The following SLX4IP variants were observed in gnomAD, a reference collection of about 807,000 sequenced individuals.
The protein encoded by SLX4IP is SLX4 interacting protein, also known as protein SLX4IP.
In SLX4IP, 34 loss-of-function variants were observed where a neutral mutation model predicts 32.9. That is an observed-to-expected ratio of 1.03 (90% CI 0.79 to 1.38). The LOEUF (loss-of-function observed/expected upper bound fraction) is 1.38. Ranked by LOEUF, SLX4IP falls within the 40% of genes most tolerant of loss-of-function variation. The pLI is 0.00. For missense variants in SLX4IP, 444 were observed against 479.0 expected, an observed-to-expected ratio of 0.93 and a Z score of 0.68; for synonymous variants, 172 against 171.7, an observed-to-expected ratio of 1.00 and a Z score of -0.01.
At chr20:10,508,720 A>T (rs889464026) in intron 2 of SLX4IP, among the ~76,000 whole-genome samples, 1 of 152,092 alleles carries the variant, frequency 6.6e-6, no homozygotes, top group Non-Finnish European at 1.5e-5. Flanking sequence ...GCTGGCAGCT[A>T]TCCCTTCTTG....
At chr20:10,462,953 A>C (rs955732039) in intron 2 of SLX4IP, among the ~76,000 whole-genome samples, 5 of 152,340 alleles carry the variant, frequency 3.3e-5, no homozygotes, top group African/African-American at 1.2e-4. Flanking sequence ...ATGTGATGGC[A>C]TATGCCTGTA....
At chr20:10,500,348 T>C (rs996752869) in intron 2 of SLX4IP, among the ~76,000 whole-genome samples, 1 of 152,014 alleles carries the variant, frequency 6.6e-6, no homozygotes, top group Admixed American at 6.6e-5. Context: ...AGGCTAGTTT[T>C]GGACTCCTGA....
intron 1 of SLX4IP, 61 bp downstream of exon 1, chr20:10,435,514 C>T (rs1568679472): frequency 1.3e-5 from 2 of 152,372 alleles, no homozygotes; most frequent in Non-Finnish European, 2.9e-5. Context: ...ACTGTTTGCC[C>T]ATCTCCTCCC....
intron 2 of SLX4IP, among the ~76,000 whole-genome samples, chr20:10,483,319 A>G (rs1276749851): frequency 6.6e-6 from 1 of 152,142 alleles, no homozygotes; most frequent in Non-Finnish European, 1.5e-5. Flanking sequence ...GCGGGGTTTC[A>G]CTATGTTGGC....
At chr20:10,443,123 T>C (rs901082866) in intron 1 of SLX4IP, among the ~76,000 whole-genome samples, 2 of 152,186 alleles carry the variant, frequency 1.3e-5, no homozygotes, top group African/African-American at 4.8e-5. Context: ...TTTGGTGAAA[T>C]AGGTCCAGAG....
At chr20:10,440,935 T>C (rs1381204857) in intron 1 of SLX4IP, among the ~76,000 whole-genome samples, 2 of 152,166 alleles carry the variant, frequency 1.3e-5, no homozygotes, top group Non-Finnish European at 2.9e-5. Flanking sequence ...ATATCTGATC[T>C]CATGTAATCC....
chr20:10,596,368 G>T (rs531212391), intron 4 of SLX4IP, among the ~76,000 whole-genome samples: 1 of 152,116 alleles, frequency 6.6e-6, no homozygotes, highest in South Asian at 2.1e-4. Flanking sequence ...GACTACAGGC[G>T]TGTACCACCA....
intron 4 of SLX4IP, among the ~76,000 whole-genome samples, chr20:10,562,669 C>T (rs1215736480): frequency 2.6e-5 from 4 of 152,224 alleles, no homozygotes; most frequent in Non-Finnish European, 4.4e-5. Flanking sequence ...AGGGACCCTG[C>T]CCTTCTCTAC....
intron 6 of SLX4IP, chr20:10,613,691 G>C (rs554104311): frequency 3.7e-6 from 6 of 1,613,048 alleles, no homozygotes; most frequent in South Asian, 1.1e-5. Flanking sequence ...TGACAAAGGC[G>C]TTATAGGATG....
chr20:10,487,605 C>A (rs1032286795), intron 2 of SLX4IP, among the ~76,000 whole-genome samples: 1 of 152,130 alleles, frequency 6.6e-6, no homozygotes, highest in Non-Finnish European at 1.5e-5. Context: ...GATTAGTCAG[C>A]CACTTGATAT....
intron 2 of SLX4IP, among the ~76,000 whole-genome samples, chr20:10,491,111 T>A (rs2065619434): frequency 6.6e-6 from 1 of 152,094 alleles, no homozygotes. Flanking sequence ...GGTACTTGCC[T>A]CTTGTCTTGC....
At chr20:10,520,124 C>T (rs1367046654) in intron 2 of SLX4IP, among the ~76,000 whole-genome samples, 1 of 151,854 alleles carries the variant, frequency 6.6e-6, no homozygotes, top group African/African-American at 2.4e-5. Context: ...CATCTCAGCT[C>T]ACTGCTACCT....
intron 2 of SLX4IP, among the ~76,000 whole-genome samples, chr20:10,512,417 A>T (rs886344013): frequency 2.0e-5 from 3 of 150,012 alleles, no homozygotes; most frequent in Non-Finnish European, 4.4e-5. Flanking sequence ...CACTTTAAGT[A>T]TTTTTTTTTA....
intron 1 of SLX4IP, among the ~76,000 whole-genome samples, chr20:10,445,933 CTTTTTTTTT>C (rs749557514): frequency 8.1e-4 from 49 of 60,692 alleles, no homozygotes; most frequent in Admixed American, 8.2e-4. Context: ...GCTGAGATTG[CTTTTTTTTT>C]TTTTTTTTTT....
rs75476192 is a variant in SLX4IP at position 10,446,725 on chromosome 20, G to A, written c.-30+11272G>A. Among the ~76,000 whole-genome samples, 24 of 152,148 alleles carry A rather than the reference G, an allele frequency of 1.6e-4. No individual in the cohort carries two copies. In the East Asian group the frequency reaches 3.5e-3, roughly 22 times the overall value. ...ACATTTTCCCATGGCTAATGATGTT[G>A]AATATCTTTTCATATGCTTTTTTAC... is the stretch of plus-strand genomic sequence containing the variant. On this transcript the variant is annotated intron_variant, in intron 1 of 7. Coordinates refer to ENST00000334534, the MANE Select transcript of SLX4IP (RefSeq NM_001009608.3).
chr20:10,500,880 A>T (rs1299289240), intron 2 of SLX4IP, among the ~76,000 whole-genome samples: 1 of 152,214 alleles, frequency 6.6e-6, no homozygotes, highest in Non-Finnish European at 1.5e-5. Context: ...TGTTTTATGG[A>T]TAATGTTCTT....
chr20:10,450,643 TAGG>T lies in SLX4IP; in HGVS notation c.-29-7529_-29-7527del, dbSNP rs1418355792. ...TTTAAAAAATTAGGATCTCATCACA[TAGG>T]AGGCAAACATTAAAACATTAAAAAT... On this transcript the variant is annotated intron_variant, in intron 1 of 7. Coordinates refer to ENST00000334534, the MANE Select transcript of SLX4IP (RefSeq NM_001009608.3). Among the ~76,000 whole-genome samples the T allele has an allele frequency of 2.6e-5, 4 of 152,232 alleles. No homozygotes were observed. The South Asian group carries it at 6.2e-4, about 24-fold the overall frequency.
At chr20:10,600,830 A>G (rs1272984200) in intron 5 of SLX4IP, among the ~76,000 whole-genome samples, 1 of 152,208 alleles carries the variant, frequency 6.6e-6, no homozygotes, top group Non-Finnish European at 1.5e-5. Context: ...CATGTATATC[A>G]TAAAAATATT....
intron 6 of SLX4IP, chr20:10,613,879 G>A (rs997831662): frequency 1.3e-6 from 2 of 1,534,504 alleles, no homozygotes; most frequent in African/African-American, 2.7e-5. Context: ...TCAAAAGCTT[G>A]AACGTCCTCT....
Sources: gnomAD v4.1 joint callset for allele counts (sites outside exome capture counted in the v4.1 genomes callset) on GRCh38, gnomAD v4.1.1 for gene constraint, MANE v1.5 for transcripts, NCBI Gene and HGNC (gene_info 2026-07-23, HGNC 2026-07-21) for gene names.